CPQ: variants seen among roughly 807,000 people sequenced by gnomAD.
CPQ encodes the protein Ser-Met dipeptidase.
Under a neutral mutation model 45.7 loss-of-function variants are expected in CPQ, and 37 were observed. The ratio of observed to expected loss-of-function variants is 0.81; its 90% CI spans 0.62 to 1.07. The LOEUF (loss-of-function observed/expected upper bound fraction) is 1.07, where lower values mean the gene tolerates loss of function less well. Ranked by LOEUF, CPQ falls within the 50% of genes least tolerant of loss-of-function variation. The probability of loss-of-function intolerance (pLI) is 0.00; values close to 1 mark genes in which losing one functional copy is unlikely to be tolerated. For missense variants in CPQ, 537 were observed against 572.9 expected, an observed-to-expected ratio of 0.94 and a Z score of 0.64; for synonymous variants, 186 against 205.8, an observed-to-expected ratio of 0.90 and a Z score of 0.82.
At chr8:96,769,699 T>C (rs540747607) in intron 1 of CPQ, among the ~76,000 whole-genome samples, 10 of 150,674 alleles carry the variant, frequency 6.6e-5, no homozygotes, top group African/African-American at 2.2e-4. Context: ...TGGTGCAATA[T>C]TGACTCTGTG....
intron 2 of CPQ, among the ~76,000 whole-genome samples, chr8:96,821,339 G>T (rs2130837210): frequency 6.6e-6 from 1 of 151,296 alleles, no homozygotes; most frequent in Middle Eastern, 3.4e-3. Flanking sequence ...GTGCTTTTCA[G>T]GTCTTAAACA....
chr8:96,921,710 C>T (rs866397793), intron 4 of CPQ, among the ~76,000 whole-genome samples: 1 of 152,280 alleles, frequency 6.6e-6, no homozygotes, highest in Middle Eastern at 3.4e-3. Flanking sequence ...GTACACCTTT[C>T]CCCAACTCCC....
At position 96,840,628 on chromosome 8, in the gene CPQ, G is replaced by C. The variant is rs148648023; in HGVS notation, c.641+5448G>C. On this transcript the variant is annotated intron_variant, in intron 3 of 7. Coordinates refer to ENST00000220763, the MANE Select transcript of CPQ (RefSeq NM_016134.4). ...AAGATCAATTTGGCCATTGTGCATAGCATGCATTAGACAGGGAAGGACAGG... is the reference window on the plus strand; with the variant it reads ...AAGATCAATTTGGCCATTGTGCATACCATGCATTAGACAGGGAAGGACAGG... Among the ~76,000 whole-genome samples, 42 of 152,288 alleles carry C rather than the reference G, an allele frequency of 2.8e-4. No individual in the cohort carries two copies. In the East Asian group the frequency reaches 6.9e-3, roughly 25 times the overall value.
chr8:96,837,325 T>C (rs1477036067), intron 3 of CPQ, among the ~76,000 whole-genome samples: 1 of 152,222 alleles, frequency 6.6e-6, no homozygotes, highest in Non-Finnish European at 1.5e-5. Context: ...GCCTGGCTTT[T>C]GCCAATACTG....
rs569975047 is a variant in CPQ, at chr8:96,888,077, G to A, written c.849+8072G>A. On this transcript the variant is annotated intron_variant, in intron 4 of 7. Coordinates refer to ENST00000220763, the MANE Select transcript of CPQ (RefSeq NM_016134.4). The stretch of plus-strand genomic sequence containing the variant: ...TTGGATCAGATAATTCTTTGTTGTA[G>A]GGGGCTGTCCCGTGCATTGTGGGGT... Among the ~76,000 whole-genome samples the A allele has an allele frequency of 2.0e-5, 3 of 152,252 alleles. No individual in the cohort carries two copies. In the East Asian group the frequency reaches 5.8e-4, roughly 29 times the overall value.
intron 4 of CPQ, among the ~76,000 whole-genome samples, chr8:96,882,859 AC>A: frequency 6.6e-6 from 1 of 152,216 alleles, no homozygotes; most frequent in Admixed American, 6.5e-5. Flanking sequence ...GTATAATGTA[AC>A]CACTACTACA....
chr8:96,919,057 G>A (rs1205516662), intron 4 of CPQ, among the ~76,000 whole-genome samples: 1 of 152,012 alleles, frequency 6.6e-6, no homozygotes, highest in African/African-American at 2.4e-5. Context: ...TTACTGTGCT[G>A]AGTCAGTAAG....
intron 1 of CPQ, among the ~76,000 whole-genome samples, chr8:96,663,944 T>C (rs191402946): frequency 6.6e-6 from 1 of 151,550 alleles, no homozygotes; most frequent in East Asian, 1.9e-4. Flanking sequence ...GTTTATAAAT[T>C]AAAAAAAAAC....
At chr8:96,992,742 C>T (rs1012322324) in intron 5 of CPQ, among the ~76,000 whole-genome samples, 7 of 152,134 alleles carry the variant, frequency 4.6e-5, no homozygotes, top group African/African-American at 1.7e-4. Context: ...CTCCCACTTT[C>T]TTTCCTTCCA....
chr8:97,087,875 G>A (rs528538886), intron 7 of CPQ, among the ~76,000 whole-genome samples: 1 of 152,122 alleles, frequency 6.6e-6, no homozygotes, highest in East Asian at 1.9e-4. Flanking sequence ...AAAAATAAAT[G>A]GTACATTTAC....
intron 3 of CPQ, among the ~76,000 whole-genome samples, chr8:96,865,488 G>A (rs1425491874): frequency 6.6e-6 from 1 of 152,030 alleles, no homozygotes; most frequent in East Asian, 1.9e-4. Context: ...CCTTCCTGGT[G>A]TGTATGGTCG....
chr8:97,133,569 AG>A (rs1300119989), intron 7 of CPQ, among the ~76,000 whole-genome samples: 2 of 152,246 alleles, frequency 1.3e-5, no homozygotes, highest in Non-Finnish European at 2.9e-5. Context: ...AATATCAGTA[AG>A]ATGTTACACC....
chr8:96,946,346 A>AT (rs1586461907), intron 4 of CPQ, among the ~76,000 whole-genome samples: 1 of 152,144 alleles, frequency 6.6e-6, no homozygotes, highest in African/African-American at 2.4e-5. Context: ...TATATTGAAT[A>AT]TTTTTTGGGA....
intron 7 of CPQ, among the ~76,000 whole-genome samples, chr8:97,090,682 T>C (rs1811111566): frequency 6.6e-6 from 1 of 152,116 alleles, no homozygotes; most frequent in Non-Finnish European, 1.5e-5. Flanking sequence ...GGAAAAAAAT[T>C]AGGTTAAACC....
chr8:96,941,519 C>T (rs188074776), intron 4 of CPQ, among the ~76,000 whole-genome samples: 6 of 152,166 alleles, frequency 3.9e-5, no homozygotes, highest in Admixed American at 3.9e-4. Flanking sequence ...CAAAGCATGG[C>T]AGTATGTCTT....
intron 7 of CPQ, among the ~76,000 whole-genome samples, chr8:97,075,483 C>T (rs184481783): frequency 2.6e-5 from 4 of 152,118 alleles, no homozygotes; most frequent in African/African-American, 4.8e-5. Flanking sequence ...ACCCTTCTCT[C>T]CTGGAGCTCA....
At chr8:96,994,532 A>C (rs1233025407) in intron 5 of CPQ, among the ~76,000 whole-genome samples, 5 of 152,126 alleles carry the variant, frequency 3.3e-5, no homozygotes, top group Admixed American at 1.3e-4. Context: ...GAATGAGTCT[A>C]ATTGTCTTAA....
intron 1 of CPQ, among the ~76,000 whole-genome samples, chr8:96,684,645 G>T (rs1337740131): frequency 6.6e-6 from 1 of 152,150 alleles, no homozygotes; most frequent in East Asian, 1.9e-4. Context: ...CCCCTGGATG[G>T]AACATGTGGG....
intron 6 of CPQ, among the ~76,000 whole-genome samples, chr8:97,064,478 A>G (rs942399839): frequency 1.3e-5 from 2 of 152,162 alleles, no homozygotes; most frequent in Non-Finnish European, 2.9e-5. Context: ...GGCATTTTTT[A>G]TTATAAATGC....
Sources: allele counts gnomAD v4.1 joint callset (sites outside exome capture counted in the v4.1 genomes callset), GRCh38; gene constraint gnomAD v4.1.1; transcripts MANE v1.5; gene names NCBI Gene and HGNC (gene_info 2026-07-23, HGNC 2026-07-21).